ESRRG: variants seen among roughly 807,000 people sequenced by gnomAD.
ESRRG encodes estrogen related receptor gamma.
Under a neutral mutation model 44.0 loss-of-function variants are expected in ESRRG, and 13 were observed. That is an observed-to-expected ratio of 0.30 (90% CI 0.19 to 0.47). The LOEUF is 0.47. ESRRG is among the 20% of genes least tolerant of loss of function. The probability of loss-of-function intolerance (pLI) is 1.00; values close to 1 mark genes in which losing one functional copy is unlikely to be tolerated. For missense variants in ESRRG, 395 were observed against 580.6 expected (o/e 0.68, Z 3.29); for synonymous variants, 215 against 214.6 (o/e 1.00, Z -0.02).
intron 3 of ESRRG, among the ~76,000 whole-genome samples, chr1:216,628,076 G>A (rs2063492331): frequency 1.3e-5 from 2 of 152,128 alleles, no homozygotes; most frequent in African/African-American, 4.8e-5. Flanking sequence ...GTATCCTGAT[G>A]AATCTAAGTA....
intron 2 of ESRRG, among the ~76,000 whole-genome samples, chr1:216,738,986 G>GA (rs1473853225): frequency 6.6e-6 from 1 of 152,098 alleles, no homozygotes; most frequent in Non-Finnish European, 1.5e-5. Context: ...AAAGCACTGG[G>GA]ATTACAGGTA....
chr1:216,652,651 CT>C (rs1559038020), intron 2 of ESRRG, among the ~76,000 whole-genome samples: 2 of 151,996 alleles, frequency 1.3e-5, no homozygotes, highest in African/African-American at 4.8e-5. Flanking sequence ...CATCACCTTC[CT>C]TGGAGATATT....
intron 1 of ESRRG, among the ~76,000 whole-genome samples, chr1:217,013,817 G>T (rs1249070264): frequency 6.6e-6 from 1 of 151,402 alleles, no homozygotes; most frequent in African/African-American, 2.4e-5. Flanking sequence ...CTGGTAATTA[G>T]AATCTTGTTA....
At chr1:216,685,040 C>A (rs2077670836) in intron 1 of ESRRG, among the ~76,000 whole-genome samples, 1 of 152,158 alleles carries the variant, frequency 6.6e-6, no homozygotes, top group Admixed American at 6.5e-5. Context: ...TCTCCAATCC[C>A]TGAAAATATT....
chr1:216,771,534 G>T (rs555774220), intron 2 of ESRRG, among the ~76,000 whole-genome samples: 10 of 152,182 alleles, frequency 6.6e-5, no homozygotes, highest in African/African-American at 2.2e-4. Context: ...TCAAAATTTT[G>T]TAACTGGGAG....
chr1:216,791,781 A>C (rs1416614), intron 2 of ESRRG, among the ~76,000 whole-genome samples: 150,761 of 152,256 alleles, frequency 0.99, 74,653 homozygotes, highest in East Asian at 1. Context: ...TCGGCTAGTG[A>C]AAATTTTTGG....
In ESRRG at chr1:216,677,134, G is replaced by A. The variant is rs1559163988; in HGVS notation, c.414C>T (p.Tyr138=). 1 of 1,614,084 alleles carries A rather than the reference G, an allele frequency of 6.2e-7. No individual in the cohort carries two copies. Among genetic ancestry groups the A allele is most frequent in the African/African-American group, 1.3e-5 (1 of 75,044 alleles). ...CLVCGDIASG[Y]HYGVASCEAC... is the part of the protein sequence containing the mutation. ...CTTCACATGATGCTACCCCATAGTG[G>A]TACCCAGAAGCGATGTCACCACACA... Residue 138 remains tyrosine (Y), a synonymous_variant, in exon 2 of 7, where the codon TAC becomes TAT. Coordinates refer to ENST00000408911, the MANE Select transcript of ESRRG (RefSeq NM_001438.4).
At chr1:216,556,558 T>C (rs1406322604) in intron 5 of ESRRG, among the ~76,000 whole-genome samples, 2 of 152,196 alleles carry the variant, frequency 1.3e-5, no homozygotes, top group East Asian at 3.9e-4. Flanking sequence ...TCAGGTCATC[T>C]TCAGCTAAAA....
intron 2 of ESRRG, among the ~76,000 whole-genome samples, chr1:216,839,119 C>A (rs1443007197): frequency 6.6e-6 from 1 of 152,210 alleles, no homozygotes; most frequent in African/African-American, 2.4e-5. Flanking sequence ...AATCCTGACA[C>A]TACTTTATCA....
chr1:216,570,112 C>T (rs570357369), intron 3 of ESRRG, among the ~76,000 whole-genome samples: 3 of 152,212 alleles, frequency 2.0e-5, no homozygotes, highest in East Asian at 1.9e-4. Context: ...CTACTTTAAG[C>T]GTTGATTATC....
chr1:216,845,483 C>T (rs2095729489), intron 2 of ESRRG, among the ~76,000 whole-genome samples: 1 of 152,170 alleles, frequency 6.6e-6, no homozygotes, highest in African/African-American at 2.4e-5. Context: ...CACAGAAGAG[C>T]TCTGAAGAAA....
At chr1:216,884,202 C>T (rs1559980126) in intron 2 of ESRRG, among the ~76,000 whole-genome samples, 1 of 152,158 alleles carries the variant, frequency 6.6e-6, no homozygotes, top group Non-Finnish European at 1.5e-5. Context: ...TACACTGAAA[C>T]ATAAATCTCC....
At chr1:216,729,843 G>A (rs904085951) in intron 2 of ESRRG, among the ~76,000 whole-genome samples, 4 of 152,122 alleles carry the variant, frequency 2.6e-5, no homozygotes, top group Non-Finnish European at 5.9e-5. Flanking sequence ...TCACCTAGGA[G>A]CTCTTTTGAT....
At chr1:216,906,657 A>G (rs183736555) in intron 2 of ESRRG, among the ~76,000 whole-genome samples, 3 of 152,354 alleles carry the variant, frequency 2.0e-5, no homozygotes, top group Admixed American at 2.0e-4. Flanking sequence ...AATGTCACAC[A>G]CTAGTGATTG....
intron 5 of ESRRG, among the ~76,000 whole-genome samples, chr1:216,530,818 T>C (rs556609842): frequency 1.6e-4 from 24 of 152,170 alleles, no homozygotes; most frequent in Non-Finnish European, 2.8e-4. Flanking sequence ...TCCCTTGATA[T>C]AGAAATACAA....
At chr1:216,510,649 G>A (rs2042432668) in intron 6 of ESRRG, among the ~76,000 whole-genome samples, 1 of 152,148 alleles carries the variant, frequency 6.6e-6, no homozygotes, top group African/African-American at 2.4e-5. Context: ...ACTTTGGGAG[G>A]CCGAGGCAGG....
At chr1:216,766,694 C>T (rs1304224485) in intron 2 of ESRRG, among the ~76,000 whole-genome samples, 1 of 151,984 alleles carries the variant, frequency 6.6e-6, no homozygotes, top group Non-Finnish European at 1.5e-5. Context: ...AAGAAGATGT[C>T]CTTAATTTTT....
intron 2 of ESRRG, among the ~76,000 whole-genome samples, chr1:216,894,160 T>A (rs1333276112): frequency 6.6e-6 from 1 of 152,162 alleles, no homozygotes; most frequent in Non-Finnish European, 1.5e-5. Context: ...GCCCCGATTA[T>A]AACCTATGTT....
chr1:217,103,507 G>T (rs922024154), intron 1 of ESRRG, among the ~76,000 whole-genome samples: 2 of 151,414 alleles, frequency 1.3e-5, no homozygotes, highest in African/African-American at 4.9e-5. Context: ...TCAAAAAAAG[G>T]TCAGCCAAGC....
Sources: gnomAD v4.1 joint callset for allele counts (sites outside exome capture counted in the v4.1 genomes callset) on GRCh38, gnomAD v4.1.1 for gene constraint, MANE v1.5 for transcripts, NCBI Gene and HGNC (gene_info 2026-07-23, HGNC 2026-07-21) for gene names.